The following ELMO1 variants were observed in gnomAD, a reference collection of about 807,000 sequenced individuals.
ELMO1 encodes engulfment and cell motility protein 1.
A neutral mutation model predicts 98.9 loss-of-function variants in ELMO1; 26 were observed. The observed-to-expected ratio is 0.26, with a 90% CI of 0.19 to 0.36. The LOEUF (loss-of-function observed/expected upper bound fraction) is 0.36, where lower values mean the gene tolerates loss of function less well. ELMO1 is among the 10% of genes least tolerant of loss of function. The pLI, the probability that ELMO1 is intolerant of heterozygous loss-of-function variation, is 1.00. For synonymous variants in ELMO1, 346 were observed against 346.0 expected (o/e 1.00, Z 0.00); for missense variants, 627 against 935.2 (o/e 0.67, Z 4.30).
intron 14 of ELMO1, among the ~76,000 whole-genome samples, chr7:37,125,923 T>A (rs1162099179): frequency 6.6e-6 from 1 of 152,044 alleles, no homozygotes; most frequent in Non-Finnish European, 1.5e-5. Flanking sequence ...ATAGATTGGA[T>A]TAAGAAAATG....
At chr7:37,005,358 C>T (rs1020117160) in intron 16 of ELMO1, among the ~76,000 whole-genome samples, 3 of 151,758 alleles carry the variant, frequency 2.0e-5, no homozygotes, top group South Asian at 2.1e-4. Flanking sequence ...TGCCATGGAC[C>T]CCATGCAGCT....
chr7:36,859,825 CACTTAT>C (rs1208660050), intron 21 of ELMO1, among the ~76,000 whole-genome samples: 1 of 152,092 alleles, frequency 6.6e-6, no homozygotes, highest in Non-Finnish European at 1.5e-5. Flanking sequence ...CTGTGTGGGT[CACTTAT>C]ACATGGATTT....
Position 36,870,353 on chromosome 7 carries a change from T to C in ELMO1, c.1905+40A>G, listed in dbSNP as rs543165626. 6.2e-7 allele frequency: 1 copy of C among 1,601,104 alleles called. No individual in the cohort carries two copies. The highest frequency in any genetic ancestry group is 8.6e-7 in the Non-Finnish European group (1 of 1,168,586). Reference sequence around the variant, plus strand: ...GGCTGGCTGCAGTTGCCGACCGCACTGGGCAAATAGAGCTATTTGCAATAA... The same window carrying C: ...GGCTGGCTGCAGTTGCCGACCGCACCGGGCAAATAGAGCTATTTGCAATAA... On this transcript the variant is annotated intron_variant, in intron 20 of 21. Coordinates refer to ENST00000310758, the MANE Select transcript of ELMO1 (RefSeq NM_014800.11). The surrounding 1 kb of genome is among the most constrained non-coding windows in gnomAD (Gnocchi z 4.4).
At chr7:36,942,502 C>G (rs752155299) in intron 16 of ELMO1, among the ~76,000 whole-genome samples, 1 of 152,222 alleles carries the variant, frequency 6.6e-6, no homozygotes, top group Non-Finnish European at 1.5e-5. Flanking sequence ...CAGGTGGGTG[C>G]TGCCACCCTC....
chr7:37,416,109 G>T (rs1462713662), intron 1 of ELMO1, among the ~76,000 whole-genome samples: 1 of 152,174 alleles, frequency 6.6e-6, no homozygotes, highest in Non-Finnish European at 1.5e-5. Flanking sequence ...GAACTAACTA[G>T]AGATAACTCC....
At position 37,188,493 on chromosome 7, in the gene ELMO1, A is replaced by AT. The variant is rs1212197247; in HGVS notation, c.1086+22892_1086+22893insA. ...ACAGGCCACTGGAGAAAGGTAAAAA[A>AT]AAAAAAAAAATAATAATAATAATAA... On this transcript the variant is annotated intron_variant, in intron 13 of 21. Transcript: ENST00000310758. Among the ~76,000 whole-genome samples, 19 of 85,154 alleles carry AT rather than the reference A, an allele frequency of 2.2e-4. 1 individual carries two copies. The highest frequency in any genetic ancestry group is 7.1e-4 in the African/African-American group (19 of 26,710). The allele number at this position is 85,154 out of a possible 152,430, so 55.9% of individuals were successfully genotyped here.
intron 4 of ELMO1, among the ~76,000 whole-genome samples, chr7:37,309,778 A>G (rs1389959602): frequency 6.6e-6 from 1 of 152,218 alleles, no homozygotes; most frequent in Non-Finnish European, 1.5e-5. Flanking sequence ...GGAAGCACAG[A>G]AACCAGAGCT....
rs1789386904 is a variant in ELMO1 at position 37,163,546 on chromosome 7, A to AC, written c.1087-30313_1087-30312insG. On this transcript the variant is annotated intron_variant, in intron 13 of 21. Coordinates refer to ENST00000310758, the MANE Select transcript of ELMO1 (RefSeq NM_014800.11). ...GCGTGATGTTCCCCTTCCTGTGTCC[A>AC]TTGATCTCATTGTTCAATTCCCACC... Among the ~76,000 whole-genome samples, 26 of 20,016 alleles carry AC rather than the reference A, an allele frequency of 1.3e-3. 1 individual carries two copies. The South Asian group carries it at 0.068, about 52-fold the overall frequency. 13.1% of individuals were successfully genotyped at this position (20,016 alleles called of 152,430 possible).
At chr7:37,141,607 A>C (rs1302683325) in intron 13 of ELMO1, among the ~76,000 whole-genome samples, 2 of 152,250 alleles carry the variant, frequency 1.3e-5, no homozygotes, top group East Asian at 3.8e-4. Context: ...CCACAGGTTA[A>C]ACAGATGAAA....
At chr7:37,333,013 G>A (rs186120717) in intron 2 of ELMO1, among the ~76,000 whole-genome samples, 1 of 152,276 alleles carries the variant, frequency 6.6e-6, no homozygotes, top group East Asian at 1.9e-4. Flanking sequence ...CTATTTGAGG[G>A]GCTATGGAGA....
At chr7:37,080,544 T>C (rs1320376874) in intron 15 of ELMO1, among the ~76,000 whole-genome samples, 1 of 150,498 alleles carries the variant, frequency 6.6e-6, no homozygotes, top group African/African-American at 2.4e-5. Context: ...TTCAAGCGAT[T>C]CTCCCACCTC....
Position 37,265,081 on chromosome 7 carries a change from T to TC in ELMO1, c.244-5732dup, listed in dbSNP as rs1463557821. Among the ~76,000 whole-genome samples, 5 of 152,124 alleles carry TC rather than the reference T, an allele frequency of 3.3e-5. No individual in the cohort carries two copies. The East Asian group carries it at 9.6e-4, about 29-fold the overall frequency. On this transcript the variant is annotated intron_variant, in intron 5 of 21. Transcript: ENST00000310758. ...ACCCCCTCTATGCCTTTCTGCTGCC[T>TC]CCCCTCCACTGGTGATCATTTAATT...
At chr7:37,091,878 G>C (rs879937186) in intron 15 of ELMO1, among the ~76,000 whole-genome samples, 1 of 152,122 alleles carries the variant, frequency 6.6e-6, no homozygotes, top group African/African-American at 2.4e-5. Context: ...ATCAGATCTC[G>C]TGAGACTTTT....
At chr7:37,050,704 A>T (rs1796062464) in intron 15 of ELMO1, among the ~76,000 whole-genome samples, 1 of 151,476 alleles carries the variant, frequency 6.6e-6, no homozygotes, top group Non-Finnish European at 1.5e-5. Context: ...TGACTGTAGA[A>T]ATCATTTCAC....
chr7:36,889,165 T>G (rs961954743), intron 17 of ELMO1, among the ~76,000 whole-genome samples: 3 of 152,190 alleles, frequency 2.0e-5, no homozygotes, highest in Admixed American at 6.5e-5. Context: ...ATTAATACAT[T>G]TTTTGAGGCT....
At chr7:36,911,031 T>A (rs1353106123) in intron 16 of ELMO1, among the ~76,000 whole-genome samples, 2 of 152,184 alleles carry the variant, frequency 1.3e-5, no homozygotes, top group African/African-American at 4.8e-5. Context: ...GTTGCTACTG[T>A]CCCTGGTCAG....
intron 15 of ELMO1, among the ~76,000 whole-genome samples, chr7:37,089,487 G>A (rs1459110004): frequency 1.3e-5 from 2 of 152,124 alleles, no homozygotes; most frequent in East Asian, 3.9e-4. Context: ...AAATACACCT[G>A]AGAATAACCC....
intron 16 of ELMO1, among the ~76,000 whole-genome samples, chr7:36,954,995 AG>A (rs1166871192): frequency 2.0e-5 from 3 of 152,224 alleles, no homozygotes; most frequent in African/African-American, 7.2e-5. Flanking sequence ...GTTGTAACAA[AG>A]CTAAATTCTC....
intron 16 of ELMO1, among the ~76,000 whole-genome samples, chr7:36,956,763 T>A (rs1788486444): frequency 6.6e-6 from 1 of 152,212 alleles, no homozygotes; most frequent in South Asian, 2.1e-4. Context: ...AAATGACTAC[T>A]TTGAAATGGG....
Sources: gnomAD v4.1 joint callset for allele counts (sites outside exome capture counted in the v4.1 genomes callset) on GRCh38, gnomAD v4.1.1 for gene constraint, Gnocchi (gnomAD v3.1) non-coding constraint, MANE v1.5 for transcripts, NCBI Gene and HGNC (gene_info 2026-07-23, HGNC 2026-07-21) for gene names.